Variants in SMC2 observed in about 807,000 individuals in gnomAD.
The protein encoded by SMC2 is structural maintenance of chromosomes 2, also known as structural maintenance of chromosomes protein 2.
A neutral mutation model predicts 142.6 loss-of-function variants in SMC2; 41 were observed. The ratio of observed to expected loss-of-function variants is 0.29; its 90% confidence interval spans 0.22 to 0.37. SMC2 has a LOEUF of 0.37. Ranked by LOEUF, SMC2 falls within the 10% of genes least tolerant of loss-of-function variation. SMC2 has a pLI of 1.00. For synonymous variants in SMC2, 463 were observed against 457.5 expected, an observed-to-expected ratio of 1.01 and a Z score of -0.15; for missense variants, 1,265 against 1,373.7, an observed-to-expected ratio of 0.92 and a Z score of 1.25.
Position 104,113,466 on chromosome 9 carries a change from A to AATT in SMC2, c.1408_1410dup (p.Tyr470dup), listed in dbSNP as rs1313494337. 5.6e-6 allele frequency: 9 copies of AATT among 1,600,670 alleles called. No homozygotes were observed. The Admixed American group carries it at 7.0e-5, about 12-fold the overall frequency. ...ACTTGAAGCTGAAATGAAAAAGCTA[A>AATT]ATTATGAAGGTTTGCCTTTAAAAAC... On this transcript the variant is annotated inframe_insertion, in exon 11 of 25. Transcript: ENST00000374793.
chr9:104,136,061 G>T, intron 23 of SMC2: 1 of 382,090 alleles, frequency 2.6e-6, no homozygotes, highest in Non-Finnish European at 5.2e-6. Flanking sequence ...AACCTAAAAG[G>T]TCATATGTCC....
intron 17 of SMC2, 82 bp downstream of exon 17, chr9:104,123,314 T>TA (rs946477550): frequency 7.2e-6 from 10 of 1,389,730 alleles, no homozygotes; most frequent in Non-Finnish European, 9.8e-6. Flanking sequence ...CTACCTGTGC[T>TA]ATGTTTAAGA....
intron 16 of SMC2, among the ~76,000 whole-genome samples, chr9:104,121,488 C>G (rs1833733790): frequency 6.6e-6 from 1 of 150,632 alleles, no homozygotes. Flanking sequence ...AGAGTGAGAC[C>G]CTTTCTCAAA....
chr9:104,120,857 AGGGGCT>A (rs1833652224), intron 16 of SMC2, among the ~76,000 whole-genome samples: 1 of 152,162 alleles, frequency 6.6e-6, no homozygotes, highest in South Asian at 2.1e-4. Context: ...ATACTCTTCT[AGGGGCT>A]GGGGATCAGA....
chr9:104,134,380 C>T, intron 22 of SMC2, 35 bp from the exon 23 acceptor site: 1 of 1,511,716 alleles, frequency 6.6e-7, no homozygotes, highest in Non-Finnish European at 9.0e-7. Flanking sequence ...TGGAAAGCAT[C>T]CTGATGTTTT....
chr9:104,114,628 G>A (rs1832876729), intron 12 of SMC2, 63 bp from the exon 13 acceptor site: 4 of 1,412,918 alleles, frequency 2.8e-6, no homozygotes, highest in Non-Finnish European at 2.9e-6. Context: ...CTCCTGATGA[G>A]TAAAGTATAA....
intron 2 of SMC2, 110 bp from the exon 3 acceptor site, chr9:104,096,038 T>C: frequency 3.2e-6 from 3 of 942,468 alleles, no homozygotes; most frequent in Non-Finnish European, 4.8e-6. Flanking sequence ...CCTTGTCTAC[T>C]TAATGGACAC....
intron 21 of SMC2, among the ~76,000 whole-genome samples, chr9:104,131,199 A>G (rs1419682293): frequency 6.6e-6 from 1 of 152,130 alleles, no homozygotes; most frequent in South Asian, 2.1e-4. Context: ...ACTACTCTAA[A>G]GTGGTGATAT....
chr9:104,131,798 AGT>A (rs962878491), intron 21 of SMC2, among the ~76,000 whole-genome samples: 3 of 151,924 alleles, frequency 2.0e-5, no homozygotes, highest in Non-Finnish European at 4.4e-5. Flanking sequence ...TTTTGTTAAG[AGT>A]GTGTATATGA....
At position 104,135,746 on chromosome 9, in the gene SMC2, T is replaced by TTAAACA. The variant is rs928770480; in HGVS notation, c.3269+1172_3269+1177dup. ...AATAAAAATGACTTTAGACTTCTTG[T>TTAAACA]TAAACACTATGTAAGCCAGAAGTCT... On this transcript the variant is annotated intron_variant, in intron 23 of 24. Transcript: ENST00000374793. The TTAAACA allele has an allele frequency of 2.7e-4, 126 of 462,148 alleles. 1 individual carries two copies. Among genetic ancestry groups the TTAAACA allele is most frequent in the African/African-American group, 2.5e-3 (122 of 49,382 alleles). The allele number at this position is 462,148 out of a possible 1,614,324, so 28.6% of individuals were successfully genotyped here.
At chr9:104,102,349 A>AT in intron 8 of SMC2, 75 bp from the exon 9 acceptor site, 1 of 1,372,694 alleles carries the variant, frequency 7.3e-7, no homozygotes, top group Non-Finnish European at 1.0e-6. Context: ...AGTGTTTGAT[A>AT]CAGAACTCAT....
intron 1 of SMC2, 45 bp downstream of exon 1, chr9:104,094,522 T>G: frequency 3.4e-6 from 1 of 293,490 alleles, no homozygotes; most frequent in Non-Finnish European, 5.7e-6. Flanking sequence ...GGGCCAGACT[T>G]CCTGGCGGGA....
chr9:104,114,175 T>C, intron 12 of SMC2, 94 bp downstream of exon 12: 2 of 663,764 alleles, frequency 3.0e-6, no homozygotes, highest in Non-Finnish European at 5.1e-6. Context: ...GAAACCAAGA[T>C]TTTTGTATGA....
At chr9:104,100,465 A>G in intron 7 of SMC2, 32 bp downstream of exon 7, 1 of 1,358,220 alleles carries the variant, frequency 7.4e-7, no homozygotes, top group Non-Finnish European at 1.0e-6. Context: ...ATAATCTATT[A>G]GAATGTCTTT....
chr9:104,125,086 A>T lies in SMC2; in HGVS notation c.2432A>T (p.Lys811Met). The T allele has an allele frequency of 1.3e-6, 2 of 1,574,434 alleles. No individual in the cohort carries two copies. Among genetic ancestry groups the T allele is most frequent in the Non-Finnish European group, 1.7e-6 (2 of 1,169,728 alleles). The change falls in exon 18 of 25, where the codon AAG becomes ATG. Residue 811 changes from lysine to methionine, a missense_variant. Physicochemically the swap from Lys to Met is moderately conservative, Grantham distance 95 (BLOSUM62 -1). Coordinates refer to ENST00000374793, the MANE Select transcript of SMC2 (RefSeq NM_006444.3). ...AKTKADASSK[K>M]MKEKQQEVEA... ...ACAAAGGCAGATGCATCTAGCAAGA[A>T]GATGAAAGAAAAACAACAGGTAATA...
chr9:104,135,025 A>G (rs1461362565), intron 23 of SMC2, among the ~76,000 whole-genome samples: 1 of 152,142 alleles, frequency 6.6e-6, no homozygotes, highest in Non-Finnish European at 1.5e-5. Context: ...TAATGTAGAC[A>G]CATCCTAAGA....
At chr9:104,120,779 G>T (rs960653684) in intron 16 of SMC2, among the ~76,000 whole-genome samples, 1 of 151,968 alleles carries the variant, frequency 6.6e-6, no homozygotes, top group Non-Finnish European at 1.5e-5. Context: ...TTTCAATATT[G>T]GGATCATGCT....
chr9:104,098,312 C>G (rs568501472), intron 3 of SMC2, 134 bp from the exon 4 acceptor site: 152 of 637,824 alleles, frequency 2.4e-4, no homozygotes, highest in Non-Finnish European at 3.6e-4. Flanking sequence ...CATACTTGTT[C>G]CACTATTTAT....
intron 21 of SMC2, among the ~76,000 whole-genome samples, chr9:104,130,997 A>G (rs1361840542): frequency 3.3e-5 from 5 of 152,150 alleles, no homozygotes; most frequent in African/African-American, 9.7e-5. Flanking sequence ...TGTAGAGAGA[A>G]GGTTAGGGGA....
Sources: allele counts gnomAD v4.1 joint callset (sites outside exome capture counted in the v4.1 genomes callset), GRCh38; gene constraint gnomAD v4.1.1; transcripts MANE v1.5; gene names NCBI Gene and HGNC (gene_info 2026-07-23, HGNC 2026-07-21).